Variants in PTPRD observed in about 807,000 individuals in gnomAD.
PTPRD encodes receptor-type tyrosine-protein phosphatase delta.
In PTPRD, 34 loss-of-function variants were observed where a neutral mutation model predicts 214.5. The ratio of observed to expected loss-of-function variants is 0.16; its 90% CI spans 0.12 to 0.21. PTPRD has a LOEUF of 0.21. Among genes scored for constraint, PTPRD ranks in the 10% least tolerant of loss-of-function variants. The probability of loss-of-function intolerance (pLI) is 1.00; values close to 1 mark genes in which losing one functional copy is unlikely to be tolerated. For synonymous variants in PTPRD, 1,128 were observed against 845.7 expected (o/e 1.33, Z -5.79); for missense variants, 2,545 against 2,398.7 (o/e 1.06, Z -1.27).
intron 5 of PTPRD, among the ~76,000 whole-genome samples, chr9:9,852,259 AGAT>A (rs2060686494): frequency 6.6e-6 from 1 of 152,168 alleles, no homozygotes; most frequent in South Asian, 2.1e-4. Context: ...CTTAGGGAAG[AGAT>A]GATGAGAGCA....
chr9:8,319,753 G>A (rs971448447), intron 45 of PTPRD, 78 bp downstream of exon 45: 2 of 1,539,482 alleles, frequency 1.3e-6, no homozygotes, highest in Admixed American at 2.0e-5. Context: ...CTGGTGTTGA[G>A]AGAGTATGGA....
chr9:9,587,263 T>A (rs780162842), intron 7 of PTPRD, among the ~76,000 whole-genome samples: 5 of 151,966 alleles, frequency 3.3e-5, no homozygotes, highest in Non-Finnish European at 5.9e-5. Flanking sequence ...ATAGTAATGA[T>A]ATAAGCAAAC....
chr9:9,468,401 A>T (rs374197576), intron 8 of PTPRD, among the ~76,000 whole-genome samples: 1 of 152,066 alleles, frequency 6.6e-6, no homozygotes. Context: ...AGATATGTGC[A>T]TTTAGTTATA....
chr9:8,336,610 T>TAA (rs1847023963), intron 43 of PTPRD, among the ~76,000 whole-genome samples: 1 of 84,584 alleles, frequency 1.2e-5, no homozygotes, highest in Admixed American at 1.4e-4. Context: ...CTAATTAAAC[T>TAA]AAAGAGCTTC....
At chr9:8,514,356 T>A (rs1342642147) in intron 21 of PTPRD, among the ~76,000 whole-genome samples, 1 of 152,112 alleles carries the variant, frequency 6.6e-6, no homozygotes, top group African/African-American at 2.4e-5. Flanking sequence ...CTTCCTACCA[T>A]CAGAAAATAA....
chr9:8,341,379 C>T, intron 40 of PTPRD, 111 bp from the exon 41 acceptor site: 1 of 1,188,190 alleles, frequency 8.4e-7, no homozygotes, highest in Non-Finnish European at 1.2e-6. Context: ...CTTTTGTTTA[C>T]TTAAAGTAAA....
intron 7 of PTPRD, among the ~76,000 whole-genome samples, chr9:9,609,043 T>C (rs1403888203): frequency 6.6e-6 from 1 of 152,188 alleles, no homozygotes; most frequent in Non-Finnish European, 1.5e-5. Flanking sequence ...TATTGAATTT[T>C]CTTTAAAAAA....
At chr9:9,540,571 A>G (rs1192356602) in intron 8 of PTPRD, among the ~76,000 whole-genome samples, 1 of 151,880 alleles carries the variant, frequency 6.6e-6, no homozygotes, top group Non-Finnish European at 1.5e-5. Flanking sequence ...AGTTGAGAAA[A>G]GAAGTGGCAA....
At chr9:9,015,126 A>ACAAT (rs140306729) in intron 11 of PTPRD, among the ~76,000 whole-genome samples, 1 of 152,142 alleles carries the variant, frequency 6.6e-6, no homozygotes, top group African/African-American at 2.4e-5. Context: ...AAAAAATTAA[A>ACAAT]CAATCAATCA....
intron 8 of PTPRD, among the ~76,000 whole-genome samples, chr9:9,421,786 G>T (rs138596675): frequency 6.6e-6 from 1 of 152,042 alleles, no homozygotes; most frequent in African/African-American, 2.4e-5. Flanking sequence ...TGACACTGGC[G>T]TCTCAGCAGT....
rs79416228 is a variant in PTPRD, at chr9:8,916,607, G to T, written c.-104+102090C>A. On this transcript the variant is annotated intron_variant, in intron 11 of 45. Coordinates refer to ENST00000381196, the MANE Select transcript of PTPRD (RefSeq NM_002839.4). ...AGAGTTGTAGATTATAAAATTCTCA[G>T]TGATATAGTTGTAAAATTATCCTTC... is the stretch of plus-strand genomic sequence containing the variant. Among the ~76,000 whole-genome samples, 293 of 152,264 alleles carry T rather than the reference G, an allele frequency of 1.9e-3. 6 individuals are homozygous for T. The East Asian group carries it at 0.05, about 26-fold the overall frequency.
intron 2 of PTPRD, among the ~76,000 whole-genome samples, chr9:10,595,575 C>A (rs1234250262): frequency 1.3e-5 from 2 of 151,138 alleles, no homozygotes; most frequent in Non-Finnish European, 3.0e-5. Flanking sequence ...CAGAGTCACA[C>A]CTATGATTTA....
At chr9:10,547,243 T>C (rs555318375) in intron 2 of PTPRD, among the ~76,000 whole-genome samples, 12 of 152,254 alleles carry the variant, frequency 7.9e-5, no homozygotes, top group African/African-American at 2.4e-4. Context: ...CATTTTACAA[T>C]TTTACAAATT....
chr9:10,332,451 C>A (rs1415009050), intron 3 of PTPRD, among the ~76,000 whole-genome samples: 10 of 151,770 alleles, frequency 6.6e-5, no homozygotes, highest in African/African-American at 2.2e-4. Context: ...CCTGATCATA[C>A]AACTGAGGTT....
intron 10 of PTPRD, among the ~76,000 whole-genome samples, chr9:9,155,874 A>G (rs7021891): frequency 0.32 from 49,363 of 151,932 alleles, 8,654 homozygotes; most frequent in Non-Finnish European, 0.4. Context: ...CATTTGCTTT[A>G]AGTACAATAA....
chr9:8,905,099 G>C (rs2098698384), intron 11 of PTPRD, among the ~76,000 whole-genome samples: 1 of 152,120 alleles, frequency 6.6e-6, no homozygotes, highest in Non-Finnish European at 1.5e-5. Flanking sequence ...CTACCTTTAA[G>C]GTCATTCTCA....
At chr9:9,146,128 G>A (rs1415740423) in intron 10 of PTPRD, among the ~76,000 whole-genome samples, 1 of 152,144 alleles carries the variant, frequency 6.6e-6, no homozygotes. Flanking sequence ...ATTTTCCACT[G>A]TGATAATTTC....
At chr9:8,982,612 A>C (rs1449244938) in intron 11 of PTPRD, among the ~76,000 whole-genome samples, 1 of 151,718 alleles carries the variant, frequency 6.6e-6, no homozygotes, top group Non-Finnish European at 1.5e-5. Flanking sequence ...AAACTCCACA[A>C]TCATCATCTT....
chr9:8,425,726 G>C (rs28384239), intron 35 of PTPRD, among the ~76,000 whole-genome samples: 7,507 of 151,762 alleles, frequency 0.049, 607 homozygotes, highest in African/African-American at 0.17. Context: ...CTTATTTCTT[G>C]ATTATTTTTG....
Sources: gnomAD v4.1 joint callset for allele counts (sites outside exome capture counted in the v4.1 genomes callset) on GRCh38, gnomAD v4.1.1 for gene constraint, MANE v1.5 for transcripts, NCBI Gene and HGNC (gene_info 2026-07-23, HGNC 2026-07-21) for gene names.